CNTN1: variants seen among roughly 807,000 people sequenced by gnomAD.
CNTN1 encodes contactin-1.
CNTN1 carries 38 observed loss-of-function variants against 126.4 expected under a neutral mutation model. The ratio of observed to expected loss-of-function variants is 0.30; its 90% confidence interval spans 0.23 to 0.39. CNTN1 has a LOEUF of 0.39. Ranked by LOEUF, CNTN1 falls within the 10% of genes least tolerant of loss-of-function variation. The pLI is 1.00. For synonymous variants in CNTN1, 413 were observed against 422.6 expected, an observed-to-expected ratio of 0.98 and a Z score of 0.28; for missense variants, 1,009 against 1,248.4, an observed-to-expected ratio of 0.81 and a Z score of 2.89.
At position 40,798,073 on chromosome 12, in the gene CNTN1, T is replaced by C. The variant is rs78724427; in HGVS notation, c.-77+105481T>C. ...GTAAGTTTGGATGCATTATACATGA[T>C]AGATCATGTTATTAGAGTGGATGAA... On this transcript the variant is annotated intron_variant, in intron 1 of 23. Transcript: ENST00000551295. Among the ~76,000 whole-genome samples the C allele has an allele frequency of 1.9e-4, 29 of 152,132 alleles. 1 individual carries two copies. The East Asian group carries it at 5.6e-3, about 29-fold the overall frequency.
At chr12:40,988,149 T>C (rs1435115104) in intron 16 of CNTN1, among the ~76,000 whole-genome samples, 1 of 152,132 alleles carries the variant, frequency 6.6e-6, no homozygotes, top group Non-Finnish European at 1.5e-5. Context: ...AGGCGATCCA[T>C]GGGTTGGGTC....
chr12:40,908,251 T>C, intron 1 of CNTN1, 106 bp from the exon 2 acceptor site: 1 of 573,934 alleles, frequency 1.7e-6, no homozygotes, highest in East Asian at 2.9e-5. Context: ...ATGATGAACA[T>C]TTCCAATTTC....
At chr12:40,736,318 ATC>A (rs1322550680) in intron 1 of CNTN1, among the ~76,000 whole-genome samples, 2 of 152,290 alleles carry the variant, frequency 1.3e-5, no homozygotes, top group African/African-American at 4.8e-5. Flanking sequence ...ATTCTAATTT[ATC>A]TCTCAGACCA....
intron 1 of CNTN1, among the ~76,000 whole-genome samples, chr12:40,867,998 G>T (rs1260914118): frequency 6.6e-6 from 1 of 151,464 alleles, no homozygotes; most frequent in East Asian, 1.9e-4. Flanking sequence ...ACCTAATTTT[G>T]GGACCTGTTG....
chr12:40,707,046 GCACACACACACA>G (rs59993134), intron 1 of CNTN1, among the ~76,000 whole-genome samples: 42,008 of 149,294 alleles, frequency 0.28, 6,639 homozygotes, highest in South Asian at 0.44. Flanking sequence ...GCGCGCTTGC[GCACACACACACA>G]CACACACACA....
chr12:40,701,777 G>T (rs1941601281), intron 1 of CNTN1, among the ~76,000 whole-genome samples: 1 of 152,152 alleles, frequency 6.6e-6, no homozygotes, highest in Admixed American at 6.5e-5. Context: ...CAAGTTGAGT[G>T]GTAATGAACC....
At chr12:41,037,103 A>G (rs1949283862) in intron 23 of CNTN1, among the ~76,000 whole-genome samples, 1 of 152,218 alleles carries the variant, frequency 6.6e-6, no homozygotes, top group South Asian at 2.1e-4. Flanking sequence ...GGAAGATTAT[A>G]AAACTTTTCC....
chr12:41,054,205 G>C (rs1263154640), intron 23 of CNTN1, among the ~76,000 whole-genome samples: 1 of 151,654 alleles, frequency 6.6e-6, no homozygotes, highest in African/African-American at 2.4e-5. Flanking sequence ...TAAAATTTGA[G>C]AATGATAAAA....
At chr12:41,016,464 C>A (rs180708666) in intron 18 of CNTN1, among the ~76,000 whole-genome samples, 34 of 152,064 alleles carry the variant, frequency 2.2e-4, no homozygotes, top group African/African-American at 8.2e-4. Context: ...AGTGAGAGGC[C>A]CCTGAGGTGT....
intron 1 of CNTN1, among the ~76,000 whole-genome samples, chr12:40,852,119 T>A (rs1942739734): frequency 6.6e-6 from 1 of 152,064 alleles, no homozygotes; most frequent in South Asian, 2.1e-4. Context: ...CCAGTGAAGG[T>A]TAAGTTTCAG....
intron 1 of CNTN1, among the ~76,000 whole-genome samples, chr12:40,801,996 A>G (rs1257859576): frequency 2.0e-5 from 3 of 151,904 alleles, no homozygotes; most frequent in Non-Finnish European, 4.4e-5. Context: ...ACAATATATA[A>G]TTAGGGGATA....
intron 15 of CNTN1, chr12:40,971,524 T>G (rs968445180): frequency 6.3e-7 from 1 of 1,593,110 alleles, no homozygotes; most frequent in Non-Finnish European, 8.5e-7. Context: ...TCGTTGACAC[T>G]CACCATTTCT....
chr12:41,029,060 A>G lies in CNTN1; in HGVS notation c.2824-3A>G. 6.2e-7 allele frequency: 1 copy of G among 1,613,646 alleles called. No individual in the cohort carries two copies. Among genetic ancestry groups the G allele is most frequent in the African/African-American group, 1.3e-5 (1 of 75,012 alleles). On this transcript the variant is annotated splice_polypyrimidine_tract_variant and splice_region_variant and intron_variant, in intron 22 of 23. Coordinates refer to ENST00000551295, the MANE Select transcript of CNTN1 (RefSeq NM_001843.4). ...GCATATTTACATTTCTGTACTTTAT[A>G]AGGTACTCTACAGACCTGATGGCCA...
At chr12:40,732,370 C>T (rs2121267615) in intron 1 of CNTN1, among the ~76,000 whole-genome samples, 1 of 152,118 alleles carries the variant, frequency 6.6e-6, no homozygotes, top group Non-Finnish European at 1.5e-5. Flanking sequence ...AAGTTTGGAA[C>T]AGAACTGCAG....
chr12:40,944,003 C>A lies in CNTN1; in HGVS notation c.1516C>A (p.Arg506=), dbSNP rs529139110. The change falls in exon 14 of 24, where the codon CGA becomes AGA. Residue 506 remains arginine (R), a synonymous_variant. Coordinates refer to ENST00000551295, the MANE Select transcript of CNTN1 (RefSeq NM_001843.4). ...TGTLVITDPT[R]IILAPINADI... ...CATTTAAAAATATATAGATCCTACGCGAATTATATTGGCCCCAATTAATGC... is the reference window on the plus strand; with the variant it reads ...CATTTAAAAATATATAGATCCTACGAGAATTATATTGGCCCCAATTAATGC... 3 of 1,613,188 alleles carry A rather than the reference C, an allele frequency of 1.9e-6. No homozygotes were observed. The highest frequency in any genetic ancestry group is 4.5e-5 in the East Asian group (2 of 44,860).
At chr12:40,883,826 G>A (rs1051599164) in intron 1 of CNTN1, among the ~76,000 whole-genome samples, 7 of 151,542 alleles carry the variant, frequency 4.6e-5, no homozygotes, top group African/African-American at 1.7e-4. Flanking sequence ...TTTAATTGGT[G>A]CAAGGATAAA....
At position 41,071,086 on chromosome 12, in the gene CNTN1, T is replaced by C. The variant is rs1036783369; in HGVS notation, c.*1051T>C. The C allele has an allele frequency of 6.6e-6, 1 of 151,198 alleles. No individual in the cohort carries two copies. Among genetic ancestry groups the C allele is most frequent in the Non-Finnish European group, 1.5e-5 (1 of 67,802 alleles). The allele number at this position is 151,198 out of a possible 1,614,324, so 9.4% of individuals were successfully genotyped here. ...GTATTCCATTTTGTAAAAATAACAA[T>C]AATAATAATAATAATAATTAGTTTT... On this transcript the variant is annotated 3_prime_UTR_variant, in exon 24 of 24. Transcript: ENST00000551295.
intron 1 of CNTN1, among the ~76,000 whole-genome samples, chr12:40,727,440 G>T (rs1942386535): frequency 6.7e-6 from 1 of 149,346 alleles, no homozygotes; most frequent in Non-Finnish European, 1.5e-5. Context: ...GTACATCACA[G>T]ATTAAAAAAA....
chr12:40,758,927 G>A lies in CNTN1; in HGVS notation c.-77+66335G>A, dbSNP rs1336602214. Reference sequence around the variant, plus strand: ...TCTTTTTTTTGTTTGTTTTTGAGATGGAGTTTCACTCTTGTTGCCCAGGCT... The same window carrying A: ...TCTTTTTTTTGTTTGTTTTTGAGATAGAGTTTCACTCTTGTTGCCCAGGCT... On this transcript the variant is annotated intron_variant, in intron 1 of 23. Transcript: ENST00000551295. Among the ~76,000 whole-genome samples, 4 of 151,792 alleles carry A rather than the reference G, an allele frequency of 2.6e-5. No homozygotes were observed. In the East Asian group the frequency reaches 7.7e-4, roughly 29 times the overall value.
Sources: allele counts gnomAD v4.1 joint callset (sites outside exome capture counted in the v4.1 genomes callset), GRCh38; gene constraint gnomAD v4.1.1; transcripts MANE v1.5; gene names NCBI Gene and HGNC (gene_info 2026-07-23, HGNC 2026-07-21).